NARF: variants seen among roughly 807,000 people sequenced by gnomAD.
The protein encoded by NARF is nuclear prelamin A recognition factor.
A neutral mutation model predicts 48.0 loss-of-function variants in NARF; 41 were observed. The observed-to-expected ratio is 0.85, with a 90% CI of 0.66 to 1.11. NARF has a LOEUF of 1.11. Ranked by LOEUF, NARF falls within the 50% of genes least tolerant of loss-of-function variation. The pLI, the probability that NARF is intolerant of heterozygous loss-of-function variation, is 0.00. For synonymous variants in NARF, 215 were observed against 225.5 expected, an observed-to-expected ratio of 0.95 and a Z score of 0.42; for missense variants, 613 against 590.2, an observed-to-expected ratio of 1.04 and a Z score of -0.40.
intron 1 of NARF, chr17:82,459,388 A>G (rs1412910243): frequency 5.9e-6 from 1 of 169,452 alleles, no homozygotes; most frequent in East Asian, 1.9e-4. Flanking sequence ...ACGCCGTGGC[A>G]GGAGGCTTCC....
chr17:82,460,331 G>C, intron 2 of NARF: 1 of 273,304 alleles, frequency 3.7e-6, no homozygotes, highest in South Asian at 4.6e-5. Flanking sequence ...CAGGTATGGT[G>C]GTGTACGCCT....
intron 5 of NARF, chr17:82,477,098 C>T (rs922815638): frequency 1.3e-5 from 2 of 152,228 alleles, no homozygotes; most frequent in African/African-American, 4.8e-5. Flanking sequence ...AATCATGGCT[C>T]ACGAGAGCTT....
rs375576652 is a variant in NARF at position 82,488,049 on chromosome 17, G to A, written c.1263G>A (p.Leu421=). Residue 421 remains leucine (L), a synonymous_variant, in exon 11 of 11, where the codon CTG becomes CTA. Coordinates refer to ENST00000309794, the MANE Select transcript of NARF (RefSeq NM_012336.4). The part of the protein sequence containing the change: ...RPESSAHVQE[L]YQEWLEGINS... ...AGTCCAGTGCACACGTGCAGGAGCT[G>A]TACCAGGAGTGGCTGGAGGGGATCA... The A allele has an allele frequency of 2.5e-6, 4 of 1,614,178 alleles. No individual in the cohort carries two copies. The highest frequency in any genetic ancestry group is 3.4e-6 in the Non-Finnish European group (4 of 1,180,038).
rs1024185939 is a variant in NARF at position 82,480,946 on chromosome 17, AAAAG to A, written c.640-134_640-131del. 7.8e-4 allele frequency: 872 copies of A among 1,114,536 alleles called. 1 individual carries two copies. The highest frequency in any genetic ancestry group is 2.0e-3 in the Admixed American group (83 of 40,644). The allele number at this position is 1,114,536 out of a possible 1,614,324, so 69.0% of individuals were successfully genotyped here. ...ACTCCATTTCAAAAAAAAAAAAAAA[AAAAG>A]AGTGCAGCATGCAGTGTCTGGAGGG... On this transcript the variant is annotated intron_variant, in intron 6 of 10. Coordinates refer to ENST00000309794, the MANE Select transcript of NARF (RefSeq NM_012336.4).
At chr17:82,481,407 C>T (rs2043962511) in intron 7 of NARF, among the ~76,000 whole-genome samples, 196 bp downstream of exon 7, 3 of 152,162 alleles carry the variant, frequency 2.0e-5, no homozygotes, top group South Asian at 4.1e-4. Context: ...GATCTAGCCT[C>T]CTGTCTCCTC....
rs376707453 is a variant in NARF, at chr17:82,472,584, A to G, written c.406A>G (p.Thr136Ala). 3.8e-5 allele frequency: 62 copies of G among 1,613,360 alleles called. No individual in the cohort carries two copies. The highest frequency in any genetic ancestry group is 5.2e-5 in the Non-Finnish European group (61 of 1,179,748). The change falls in exon 5 of 11, where the codon ACG becomes GCG. Residue 136 changes from threonine to alanine, a missense_variant. Coordinates refer to ENST00000309794, the MANE Select transcript of NARF (RefSeq NM_012336.4). ...KSLGVHYVFD[T>A]TIAADFSILE... Reference sequence around the variant, plus strand: ...TGCAGGGGTGCACTATGTATTTGATACGACGATAGCTGCGGATTTTAGTAT... The same window carrying G: ...TGCAGGGGTGCACTATGTATTTGATGCGACGATAGCTGCGGATTTTAGTAT...
intron 6 of NARF, 120 bp downstream of exon 6, chr17:82,479,038 A>C (rs1436116440): frequency 5.9e-6 from 5 of 850,760 alleles, no homozygotes; most frequent in Non-Finnish European, 9.0e-6. Context: ...GTGAGCAAAA[A>C]GGAAGCTGTG....
chr17:82,472,755 A>AT, intron 5 of NARF, 57 bp downstream of exon 5: 1 of 1,573,132 alleles, frequency 6.4e-7, no homozygotes, highest in Non-Finnish European at 8.6e-7. Context: ...GTTTCACAAG[A>AT]TTCTGCAGGC....
At chr17:82,471,181 C>A (rs1053612160) in intron 4 of NARF, among the ~76,000 whole-genome samples, 1 of 135,248 alleles carries the variant, frequency 7.4e-6, no homozygotes, top group Non-Finnish European at 1.5e-5. Flanking sequence ...AAAGGCTGGG[C>A]ATGTTGGCTC....
chr17:82,474,446 C>G (rs79939595), intron 5 of NARF, among the ~76,000 whole-genome samples: 1 of 152,014 alleles, frequency 6.6e-6, no homozygotes, highest in Non-Finnish European at 1.5e-5. Context: ...AAGAAATCTT[C>G]GATGATGCAT....
intron 3 of NARF, 183 bp from the exon 4 acceptor site, chr17:82,468,581 A>G: frequency 1.7e-6 from 1 of 602,050 alleles, no homozygotes; most frequent in Non-Finnish European, 2.7e-6. Flanking sequence ...CAGAAGCCCA[A>G]ACCTCACCAT....
At chr17:82,465,573 G>T (rs950044624) in intron 3 of NARF, among the ~76,000 whole-genome samples, 3 of 152,112 alleles carry the variant, frequency 2.0e-5, no homozygotes, top group Non-Finnish European at 4.4e-5. Flanking sequence ...GCAGCAATTA[G>T]ATCACAATAT....
At position 82,489,784 on chromosome 17, in the gene NARF, T is replaced by A. The variant is rs2044166456; in HGVS notation, c.*1627T>A. ...CACTGGGAGGCCAAGGTGGGAGGAT[T>A]GCTGGAGTCCAGGAGTTTCTACATG... On this transcript the variant is annotated 3_prime_UTR_variant, in exon 11 of 11. Transcript: ENST00000309794. The A allele has an allele frequency of 6.6e-6, 1 of 152,074 alleles. No homozygotes were observed. The highest frequency in any genetic ancestry group is 2.4e-5 in the African/African-American group (1 of 41,398). 9.4% of individuals were successfully genotyped at this position (152,074 alleles called of 1,614,324 possible).
chr17:82,478,033 T>G (rs1023435709), intron 5 of NARF: 1 of 152,768 alleles, frequency 6.5e-6, no homozygotes, highest in Non-Finnish European at 1.5e-5. Flanking sequence ...TGCGTGGCTC[T>G]CATGTACACA....
chr17:82,468,808 T>C lies in NARF; in HGVS notation c.297T>C (p.Cys99=). The part of the protein sequence containing the change: ...SKHKVLVVSV[C]PQSLPYFAAK... ...ACAAAGTGCTGGTAGTGTCTGTGTG[T>C]CCTCAATCTTTGCCTTATTTTGCTG... is the stretch of plus-strand genomic sequence containing the variant. The change falls in exon 4 of 11, where the codon TGT becomes TGC. Residue 99 remains cysteine (C), a synonymous_variant. Coordinates refer to ENST00000309794, the MANE Select transcript of NARF (RefSeq NM_012336.4). 1 of 1,614,116 alleles carries C rather than the reference T, an allele frequency of 6.2e-7. No individual in the cohort carries two copies. The highest frequency in any genetic ancestry group is 8.5e-7 in the Non-Finnish European group (1 of 1,179,948).
intron 7 of NARF, 43 bp downstream of exon 7, chr17:82,481,254 C>A (rs1199490753): frequency 1.2e-6 from 2 of 1,609,742 alleles, no homozygotes; most frequent in South Asian, 2.2e-5. Context: ...GGGGTAATCT[C>A]CTACTGGCCA....
intron 3 of NARF, among the ~76,000 whole-genome samples, chr17:82,464,648 G>A (rs1410549450): frequency 3.9e-5 from 6 of 152,244 alleles, no homozygotes; most frequent in South Asian, 4.1e-4. Flanking sequence ...TCAGGCAGTG[G>A]TGGGGGGCTG....
intron 3 of NARF, among the ~76,000 whole-genome samples, chr17:82,467,888 C>T (rs527637069): frequency 3.2e-4 from 49 of 152,280 alleles, no homozygotes; most frequent in Non-Finnish European, 6.3e-4. Flanking sequence ...TTCACTTATT[C>T]ATTGGCCAAT....
chr17:82,477,366 C>T (rs1599842959), intron 5 of NARF, among the ~76,000 whole-genome samples: 3 of 151,856 alleles, frequency 2.0e-5, no homozygotes, highest in East Asian at 4.0e-4. Context: ...TGGCCACACA[C>T]GGTGGCGCAC....
Sources: gnomAD v4.1 joint callset for allele counts (sites outside exome capture counted in the v4.1 genomes callset) on GRCh38, gnomAD v4.1.1 for gene constraint, MANE v1.5 for transcripts, NCBI Gene and HGNC (gene_info 2026-07-23, HGNC 2026-07-21) for gene names.